Variants in USP48 observed in about 807,000 individuals in gnomAD.
USP48 encodes the protein ubiquitin specific peptidase 48.
Under a neutral mutation model 150.7 loss-of-function variants are expected in USP48, and 43 were observed. The observed-to-expected ratio is 0.29, with a 90% CI of 0.22 to 0.37. USP48 has a LOEUF of 0.37. Ranked by LOEUF, USP48 falls within the 10% of genes least tolerant of loss-of-function variation. The pLI, the probability that USP48 is intolerant of heterozygous loss-of-function variation, is 1.00. For synonymous variants in USP48, 396 were observed against 425.9 expected (o/e 0.93, Z 0.86); for missense variants, 813 against 1,249.6 (o/e 0.65, Z 5.27).
intron 25 of USP48, chr1:21,681,205 C>T (rs1404430615): frequency 1.2e-5 from 2 of 172,084 alleles, no homozygotes; most frequent in African/African-American, 4.8e-5. Context: ...TTTTGACTCA[C>T]ACAGCAGCTT....
intron 26 of USP48, 45 bp from the exon 27 acceptor site, chr1:21,679,484 T>C: frequency 6.2e-7 from 1 of 1,611,462 alleles, no homozygotes; most frequent in Non-Finnish European, 8.5e-7. Context: ...GAACTACAGA[T>C]TAAAAGTTCA....
rs1046809299 is a variant in USP48, at chr1:21,782,990, A to G, written c.-33T>C. 2 of 1,494,572 alleles carry G rather than the reference A, an allele frequency of 1.3e-6. No individual in the cohort carries two copies. The highest frequency in any genetic ancestry group is 1.8e-6 in the Non-Finnish European group (2 of 1,129,682). 92.6% of individuals were successfully genotyped at this position (1,494,572 alleles called of 1,614,324 possible). ...GCCCCAGGAACGCCTCCCGAGCCAGACCGCCGCAGCCGCCGCCGCGGTCTG... is the reference window on the plus strand; with the variant it reads ...GCCCCAGGAACGCCTCCCGAGCCAGGCCGCCGCAGCCGCCGCCGCGGTCTG... On this transcript the variant is annotated 5_prime_UTR_variant, in exon 1 of 27. Coordinates refer to ENST00000308271, the MANE Select transcript of USP48 (RefSeq NM_032236.8).
At chr1:21,706,369 A>T in intron 17 of USP48, 98 bp downstream of exon 17, 1 of 1,560,994 alleles carries the variant, frequency 6.4e-7, no homozygotes, top group Admixed American at 1.9e-5. Flanking sequence ...AAATGAGAAT[A>T]TGAGAAGTTC....
Position 21,724,114 on chromosome 1 carries a change from G to A in USP48, c.1451-19C>T. ...TAGGGCTCTGAGAAAGCAAGCATCG[G>A]AAAGAGCCTATGTATTTTTACAGTT... On this transcript the variant is annotated intron_variant, in intron 11 of 26. Transcript: ENST00000308271. 6.2e-7 allele frequency: 1 copy of A among 1,612,026 alleles called. No individual in the cohort carries two copies. Among genetic ancestry groups the A allele is most frequent in the Non-Finnish European group, 8.5e-7 (1 of 1,178,592 alleles).
chr1:21,755,085 C>A (rs1285052386), intron 3 of USP48, among the ~76,000 whole-genome samples: 1 of 152,190 alleles, frequency 6.6e-6, no homozygotes, highest in Non-Finnish European at 1.5e-5. Context: ...CCTCATTTCT[C>A]TAATTAATTC....
intron 9 of USP48, among the ~76,000 whole-genome samples, chr1:21,735,843 T>C (rs1382332578): frequency 7.1e-6 from 1 of 141,800 alleles, no homozygotes; most frequent in African/African-American, 2.7e-5. Context: ...AGCCGAAATC[T>C]CGCCATTGCA....
chr1:21,742,560 GAAAAGAAAAAGA>G (rs1242166792), intron 8 of USP48, among the ~76,000 whole-genome samples: 81 of 138,924 alleles, frequency 5.8e-4, no homozygotes, highest in Middle Eastern at 7.2e-3. Flanking sequence ...AAAAAGAAAA[GAAAAGAAAAAGA>G]AAAAGAAAAA....
intron 8 of USP48, among the ~76,000 whole-genome samples, chr1:21,744,260 A>G (rs947835480): frequency 4.6e-5 from 7 of 151,974 alleles, no homozygotes; most frequent in Non-Finnish European, 7.4e-5. Context: ...AGCCTGGCCA[A>G]TATGGCGAAA....
chr1:21,692,802 G>C (rs12737206), intron 23 of USP48, among the ~76,000 whole-genome samples: 7,830 of 152,198 alleles, frequency 0.051, 243 homozygotes, highest in Middle Eastern at 0.065. Flanking sequence ...GGCCAAGACA[G>C]GTTTCACAGA....
At chr1:21,716,152 A>T (rs2097703652) in intron 14 of USP48, among the ~76,000 whole-genome samples, 1 of 151,888 alleles carries the variant, frequency 6.6e-6, no homozygotes, top group Admixed American at 6.6e-5. Flanking sequence ...TCAGCATATG[A>T]TTTTTTTTCT....
chr1:21,733,056 G>A (rs558391002), intron 9 of USP48, among the ~76,000 whole-genome samples: 259 of 152,292 alleles, frequency 1.7e-3, no homozygotes, highest in Non-Finnish European at 2.7e-3. Flanking sequence ...TCACTGTACT[G>A]TCACAGGGAA....
chr1:21,778,601 T>TAA (rs35911894), intron 1 of USP48, among the ~76,000 whole-genome samples: 5,902 of 88,516 alleles, frequency 0.067, 322 homozygotes, highest in African/African-American at 0.13. Flanking sequence ...ACCCTCATCT[T>TAA]AAAAAAAAAA....
chr1:21,709,767 G>C lies in USP48; in HGVS notation c.1964-2899C>G, dbSNP rs369220377. Among the ~76,000 whole-genome samples, 8 of 152,124 alleles carry C rather than the reference G, an allele frequency of 5.3e-5. No homozygotes were observed. In the East Asian group the frequency reaches 1.5e-3, roughly 29 times the overall value. The stretch of plus-strand genomic sequence containing the variant: ...TTAGGTAGTGACTGGCTTTTAAGTG[G>C]GATGAGTGTTTTTCATATGACAAGG... On this transcript the variant is annotated intron_variant, in intron 15 of 26. Transcript: ENST00000308271.
At chr1:21,759,553 A>G (rs2097845288) in intron 1 of USP48, among the ~76,000 whole-genome samples, 1 of 152,202 alleles carries the variant, frequency 6.6e-6, no homozygotes, top group South Asian at 2.1e-4. Context: ...GAAATTAGAA[A>G]ACGAACCTAC....
intron 11 of USP48, among the ~76,000 whole-genome samples, chr1:21,727,470 G>C (rs1460169208): frequency 6.6e-6 from 1 of 152,208 alleles, no homozygotes; most frequent in Non-Finnish European, 1.5e-5. Flanking sequence ...TAGTTCTAAA[G>C]AGTGGTTCAA....
chr1:21,768,908 T>TC (rs1213489718), intron 1 of USP48, among the ~76,000 whole-genome samples: 1 of 152,020 alleles, frequency 6.6e-6, no homozygotes, highest in Non-Finnish European at 1.5e-5. Context: ...CAAGTGATCC[T>TC]CCCGTCTTTG....
chr1:21,721,615 A>G, intron 13 of USP48, 35 bp downstream of exon 13: 1 of 1,334,172 alleles, frequency 7.5e-7, no homozygotes, highest in Non-Finnish European at 1.0e-6. Context: ...AAAACTTCTT[A>G]GTTTATCATT....
intron 6 of USP48, among the ~76,000 whole-genome samples, chr1:21,750,764 C>G (rs1206100076): frequency 6.6e-6 from 1 of 151,956 alleles, no homozygotes; most frequent in African/African-American, 2.4e-5. Context: ...CGCCTATAAT[C>G]CCAGCTACTC....
intron 9 of USP48, among the ~76,000 whole-genome samples, chr1:21,731,539 C>T (rs1368194208): frequency 6.7e-6 from 1 of 149,398 alleles, no homozygotes; most frequent in Non-Finnish European, 1.5e-5. Flanking sequence ...GCTGGGATTA[C>T]AGGAGTGAGC....
Sources: gnomAD v4.1 joint callset for allele counts (sites outside exome capture counted in the v4.1 genomes callset) on GRCh38, gnomAD v4.1.1 for gene constraint, MANE v1.5 for transcripts, NCBI Gene and HGNC (gene_info 2026-07-23, HGNC 2026-07-21) for gene names.